The following PARN variants were observed in gnomAD, a reference collection of about 807,000 sequenced individuals.
PARN encodes the protein poly(A)-specific ribonuclease PARN.
PARN carries 71 observed loss-of-function variants against 102.8 expected under a neutral mutation model. That is an observed-to-expected ratio of 0.69 (90% CI 0.57 to 0.84). The LOEUF (loss-of-function observed/expected upper bound fraction) is 0.84, where lower values mean the gene tolerates loss of function less well. PARN is among the 40% of genes least tolerant of loss of function. PARN has a pLI of 0.00. For synonymous variants in PARN, 261 were observed against 252.9 expected, an observed-to-expected ratio of 1.03 and a Z score of -0.30; for missense variants, 782 against 760.9, an observed-to-expected ratio of 1.03 and a Z score of -0.33.
At chr16:14,498,216 G>A (rs1964419984) in intron 21 of PARN, among the ~76,000 whole-genome samples, 1 of 152,084 alleles carries the variant, frequency 6.6e-6, no homozygotes, top group Non-Finnish European at 1.5e-5. Flanking sequence ...AGGGGAACTG[G>A]AGAGAGAAAG....
intron 17 of PARN, among the ~76,000 whole-genome samples, chr16:14,581,611 T>G (rs1213659819): frequency 6.6e-6 from 1 of 152,088 alleles, no homozygotes; most frequent in South Asian, 2.1e-4. Context: ...CACGAGGGAA[T>G]TAGTGCCCTT....
chr16:14,508,317 G>C (rs577086608), intron 21 of PARN, among the ~76,000 whole-genome samples: 211 of 152,130 alleles, frequency 1.4e-3, no homozygotes, highest in Non-Finnish European at 2.6e-3. Flanking sequence ...ATTGCTTGAG[G>C]CCAGGAATTG....
chr16:14,568,603 A>T lies in PARN; in HGVS notation c.1262+12271T>A, dbSNP rs564546785. Reference sequence around the variant, plus strand: ...AGAGCCAGACCCTGTCTCAAAAAAAATAATTTAAAAAAATGCCGGGCGCTG... The same window carrying T: ...AGAGCCAGACCCTGTCTCAAAAAAATTAATTTAAAAAAATGCCGGGCGCTG... On this transcript the variant is annotated intron_variant, in intron 18 of 23. Transcript: ENST00000437198. 6.8e-3 allele frequency among the ~76,000 whole-genome samples: 1,041 copies of T among 152,170 alleles called. 6 individuals are homozygous for T. Among genetic ancestry groups the T allele is most frequent in the African/African-American group, 0.023 (959 of 41,506 alleles).
At chr16:14,523,427 A>T (rs1302272541) in intron 21 of PARN, among the ~76,000 whole-genome samples, 1 of 152,242 alleles carries the variant, frequency 6.6e-6, no homozygotes, top group Non-Finnish European at 1.5e-5. Context: ...TGACTAGGCC[A>T]TAAAGCAAGA....
chr16:14,508,601 A>G (rs1049795643), intron 21 of PARN, among the ~76,000 whole-genome samples: 2 of 152,022 alleles, frequency 1.3e-5, no homozygotes, highest in African/African-American at 4.8e-5. Flanking sequence ...TAAAATAACT[A>G]TAGGCTTAAG....
chr16:14,543,546 T>TAACCCC (rs1966854132), intron 21 of PARN, among the ~76,000 whole-genome samples: 1 of 152,232 alleles, frequency 6.6e-6, no homozygotes, highest in Admixed American at 6.5e-5. Flanking sequence ...CTACAAGGAA[T>TAACCCC]GGTTGTAAAT....
chr16:14,626,472 G>A (rs1041180175), intron 5 of PARN, among the ~76,000 whole-genome samples: 1 of 152,160 alleles, frequency 6.6e-6, no homozygotes, highest in Non-Finnish European at 1.5e-5. Context: ...GTCTTGATGT[G>A]TAGGTGGTTC....
At chr16:14,496,391 T>C (rs370425474) in intron 21 of PARN, among the ~76,000 whole-genome samples, 2 of 152,116 alleles carry the variant, frequency 1.3e-5, no homozygotes, top group South Asian at 4.2e-4. Flanking sequence ...TAGAAGCAGA[T>C]GGGAGTTTGG....
chr16:14,617,076 T>TAA (rs869261969), intron 6 of PARN, among the ~76,000 whole-genome samples: 12 of 140,760 alleles, frequency 8.5e-5, no homozygotes, highest in South Asian at 2.3e-4. Flanking sequence ...TGTTTTTTTT[T>TAA]AAAAAAAAAA....
At chr16:14,611,265 G>A (rs1339965757) in intron 6 of PARN, among the ~76,000 whole-genome samples, 3 of 152,220 alleles carry the variant, frequency 2.0e-5, no homozygotes, top group African/African-American at 4.8e-5. Flanking sequence ...AGGAGCTGGT[G>A]TGGCCAGATG....
At chr16:14,603,320 G>T (rs140387747) in intron 11 of PARN, among the ~76,000 whole-genome samples, 2 of 152,228 alleles carry the variant, frequency 1.3e-5, no homozygotes, top group East Asian at 3.9e-4. Context: ...CCCTGTGTAG[G>T]TAATATGCTG....
chr16:14,605,506 T>C (rs1369705262), intron 10 of PARN, among the ~76,000 whole-genome samples: 2 of 152,076 alleles, frequency 1.3e-5, no homozygotes, highest in Admixed American at 6.5e-5. Flanking sequence ...ATATGTTGTA[T>C]TAACATTAAC....
At chr16:14,601,965 C>G (rs901411086) in intron 11 of PARN, 1 of 150,274 alleles carries the variant, frequency 6.7e-6, no homozygotes, top group Admixed American at 6.6e-5. Context: ...GAGTCTCACT[C>G]TGTTGTCCAG....
At chr16:14,455,700 C>G (rs1018941739) in intron 22 of PARN, among the ~76,000 whole-genome samples, 7 of 152,130 alleles carry the variant, frequency 4.6e-5, no homozygotes, top group African/African-American at 1.7e-4. Context: ...AGAAGAATGA[C>G]TCACTATTAA....
In PARN at chr16:14,507,326, C is replaced by CA. The variant is rs1436799416; in HGVS notation, c.1481-24500dup. Among the ~76,000 whole-genome samples the CA allele has an allele frequency of 5.8e-3, 772 of 133,118 alleles. 5 individuals are homozygous for CA. The highest frequency in any genetic ancestry group is 7.9e-3 in the Non-Finnish European group (488 of 61,624). The allele number at this position is 133,118 out of a possible 152,430, so 87.3% of individuals were successfully genotyped here. On this transcript the variant is annotated intron_variant, in intron 21 of 23. Transcript: ENST00000437198. ...GGGCAACAAGAGGGAAATTCGGTCTCAAAAAAAAAAAAGAAGAAATTCTGA... is the reference window on the plus strand; with the variant it reads ...GGGCAACAAGAGGGAAATTCGGTCTCAAAAAAAAAAAAAGAAGAAATTCTGA...
intron 22 of PARN, among the ~76,000 whole-genome samples, chr16:14,479,260 A>G (rs958242165): frequency 6.6e-6 from 1 of 152,174 alleles, no homozygotes; most frequent in Admixed American, 6.5e-5. Context: ...CTCTACAAAA[A>G]AATTTTTAAA....
intron 5 of PARN, among the ~76,000 whole-genome samples, chr16:14,624,190 G>C (rs1404851688): frequency 6.6e-6 from 1 of 152,124 alleles, no homozygotes; most frequent in Non-Finnish European, 1.5e-5. Flanking sequence ...TGCTTTAAGG[G>C]TGATAAGAGC....
intron 21 of PARN, among the ~76,000 whole-genome samples, chr16:14,516,293 C>CA (rs1481313223): frequency 1.3e-5 from 2 of 151,748 alleles, no homozygotes; most frequent in South Asian, 4.2e-4. Flanking sequence ...TAGACAAAAA[C>CA]AAAAGCAAGG....
intron 5 of PARN, among the ~76,000 whole-genome samples, chr16:14,619,770 T>TA (rs912560090): frequency 3.2e-4 from 46 of 144,430 alleles, no homozygotes; most frequent in African/African-American, 6.4e-4. Context: ...CTCTGCCTCT[T>TA]AAAAAAAAAA....
Sources: gnomAD v4.1 joint callset for allele counts (sites outside exome capture counted in the v4.1 genomes callset) on GRCh38, gnomAD v4.1.1 for gene constraint, MANE v1.5 for transcripts, NCBI Gene and HGNC (gene_info 2026-07-23, HGNC 2026-07-21) for gene names.